ADAM7: variants seen among roughly 807,000 people sequenced by gnomAD.
ADAM7 encodes the protein disintegrin and metalloproteinase domain-containing protein 7.
Under a neutral mutation model 102.9 loss-of-function variants are expected in ADAM7, and 97 were observed. The observed-to-expected ratio is 0.94, with a 90% confidence interval of 0.80 to 1.12. The LOEUF (loss-of-function observed/expected upper bound fraction) is 1.12, where lower values mean the gene tolerates loss of function less well. Among genes scored for constraint, ADAM7 ranks in the 50% most tolerant of loss-of-function variants. The pLI is 0.00. For synonymous variants in ADAM7, 334 were observed against 304.4 expected, an observed-to-expected ratio of 1.10 and a Z score of -1.01; for missense variants, 991 against 908.7, an observed-to-expected ratio of 1.09 and a Z score of -1.16.
chr8:24,463,075 T>A (rs1470908994), intron 3 of ADAM7, among the ~76,000 whole-genome samples: 1 of 152,178 alleles, frequency 6.6e-6, no homozygotes, highest in African/African-American at 2.4e-5. Context: ...TGTCTTCACC[T>A]GTACAGAAAA....
intron 14 of ADAM7, 48 bp from the exon 15 acceptor site, chr8:24,492,447 T>A (rs775914558): frequency 7.6e-7 from 1 of 1,322,250 alleles, no homozygotes; most frequent in Non-Finnish European, 1.1e-6. Context: ...TTATGATTCA[T>A]GATAGTCATG....
At position 24,482,199 on chromosome 8, in the gene ADAM7, G is replaced by A. The variant is rs771434508; in HGVS notation, c.763G>A (p.Glu255Lys). Residue 255 changes from glutamate (E) to lysine (K), a missense_variant, in exon 9 of 22, where the codon GAA becomes AAA. Physicochemically the swap from Glu to Lys is moderately conservative, Grantham distance 56. Coordinates refer to ENST00000175238, the MANE Select transcript of ADAM7 (RefSeq NM_003817.4). ...GGTTGGCATTGAAATATGGACACAT[G>A]AAGATAAAATAGAACTATATTCAAA... ...TLVGIEIWTHEDKIELYSNIE... is the reference protein window; with the variant it reads ...TLVGIEIWTHKDKIELYSNIE... 9.3e-6 allele frequency: 15 copies of A among 1,607,070 alleles called. No individual in the cohort carries two copies. In the South Asian group the frequency reaches 1.5e-4, roughly 16 times the overall value.
intron 7 of ADAM7, among the ~76,000 whole-genome samples, chr8:24,472,609 A>G (rs1819644318): frequency 6.6e-6 from 1 of 152,094 alleles, no homozygotes; most frequent in African/African-American, 2.4e-5. Context: ...GCATACCAGT[A>G]TTTAGAAAGA....
Position 24,487,117 on chromosome 8 carries a change from T to C in ADAM7, c.961-70T>C, listed in dbSNP as rs1251224168. 5.4e-6 allele frequency: 8 copies of C among 1,479,010 alleles called. No individual in the cohort carries two copies. In the East Asian group the frequency reaches 1.7e-4, roughly 32 times the overall value. 91.6% of individuals were successfully genotyped at this position (1,479,010 alleles called of 1,614,324 possible). On this transcript the variant is annotated intron_variant, in intron 10 of 21. Coordinates refer to ENST00000175238, the MANE Select transcript of ADAM7 (RefSeq NM_003817.4). ...GCTAGAAGCCAGGTCTTTCAACCAC[T>C]AGTTTGAAGCACTATGTACTACAGT...
chr8:24,487,536 T>C (rs1820183481), intron 11 of ADAM7, among the ~76,000 whole-genome samples: 1 of 151,734 alleles, frequency 6.6e-6, no homozygotes, highest in Admixed American at 6.6e-5. Flanking sequence ...TCCCAGCTAC[T>C]TGGGAGGAGA....
rs1818582828 is a variant in ADAM7, at chr8:24,446,960, T to C, written c.157-226T>C. On this transcript the variant is annotated intron_variant, in intron 2 of 21. Transcript: ENST00000175238. ...TAACTATATTTATATTTTATTCTAA[T>C]ATAACTAGAAGAAATCTAGTTCTAA... Among the ~76,000 whole-genome samples, 3 of 150,776 alleles carry C rather than the reference T, an allele frequency of 2.0e-5. No individual in the cohort carries two copies. In the South Asian group the frequency reaches 6.2e-4, roughly 31 times the overall value.
At chr8:24,453,076 C>A (rs1488410611) in intron 3 of ADAM7, among the ~76,000 whole-genome samples, 1 of 151,394 alleles carries the variant, frequency 6.6e-6, no homozygotes, top group African/African-American at 2.4e-5. Flanking sequence ...CTCTGGCTGC[C>A]CTTAACATTT....
At chr8:24,456,936 A>C (rs2129378077) in intron 3 of ADAM7, among the ~76,000 whole-genome samples, 1 of 152,206 alleles carries the variant, frequency 6.6e-6, no homozygotes, top group East Asian at 1.9e-4. Flanking sequence ...CTTTTTATAA[A>C]CATATGTTTT....
intron 3 of ADAM7, among the ~76,000 whole-genome samples, chr8:24,449,456 G>C (rs997622177): frequency 6.8e-4 from 104 of 152,244 alleles, no homozygotes; most frequent in African/African-American, 2.2e-3. Context: ...ATCTTCTTTT[G>C]AGAAGTGTCT....
chr8:24,468,514 T>C (rs145807226), intron 6 of ADAM7, among the ~76,000 whole-genome samples: 1 of 150,706 alleles, frequency 6.6e-6, no homozygotes, highest in Non-Finnish European at 1.5e-5. Context: ...AAAATAAAAT[T>C]AAATTTAAAA....
At chr8:24,497,093 G>A (rs1323963898) in intron 16 of ADAM7, among the ~76,000 whole-genome samples, 3 of 152,142 alleles carry the variant, frequency 2.0e-5, no homozygotes. Flanking sequence ...TACTGAGTAA[G>A]TCTCATGAGA....
At chr8:24,449,870 C>G (rs1383953369) in intron 3 of ADAM7, among the ~76,000 whole-genome samples, 2 of 152,208 alleles carry the variant, frequency 1.3e-5, no homozygotes, top group African/African-American at 4.8e-5. Flanking sequence ...CTACATATGG[C>G]TAGCCAGTTT....
At chr8:24,464,511 C>T (rs1759625668) in intron 4 of ADAM7, among the ~76,000 whole-genome samples, 1 of 152,156 alleles carries the variant, frequency 6.6e-6, no homozygotes, top group Non-Finnish European at 1.5e-5. Flanking sequence ...TTTTCCAGAA[C>T]ATGTCCTCTG....
chr8:24,500,858 C>T lies in ADAM7; in HGVS notation c.2071C>T (p.Arg691Cys), dbSNP rs777631956. 1.2e-5 allele frequency: 20 copies of T among 1,612,858 alleles called. No individual in the cohort carries two copies. Among genetic ancestry groups the T allele is most frequent in the African/African-American group, 6.7e-5 (5 of 74,886 alleles). Residue 691 changes from arginine to cysteine, a missense_variant, in exon 19 of 22, where the codon CGT (arginine) becomes TGT (cysteine). Arg to Cys is a radical substitution (Grantham distance 180, BLOSUM62 -3). Transcript: ENST00000175238. The stretch of plus-strand genomic sequence containing the variant: ...TATCGGAGTTCTTATACTATTAGTT[C>T]GTTACCGAAAATGTATCAAGTTGAA... ...VGIGVLILLVRYRKCIKLKQV... is the reference protein window; with the variant it reads ...VGIGVLILLVCYRKCIKLKQV...
chr8:24,446,470 T>A (rs944595245), intron 2 of ADAM7, among the ~76,000 whole-genome samples: 2 of 152,152 alleles, frequency 1.3e-5, no homozygotes, highest in African/African-American at 4.8e-5. Flanking sequence ...AGTTTGGCAA[T>A]AGTTATAAAA....
At position 24,466,897 on chromosome 8, in the gene ADAM7, C is replaced by T. The variant is rs763965256; in HGVS notation, c.488C>T (p.Pro163Leu). The change falls in exon 6 of 22, where the codon CCG becomes CTG. Residue 163 changes from proline (P) to leucine (L), a missense_variant. Coordinates refer to ENST00000175238, the MANE Select transcript of ADAM7 (RefSeq NM_003817.4). ...HLVFKYNLRVPYGANYSCTEL... is the reference protein window; with the variant it reads ...HLVFKYNLRVLYGANYSCTEL... The stretch of plus-strand genomic sequence containing the variant: ...GTGTTCAAATATAACCTGAGGGTGC[C>T]GTATGGTGCCAATTATTCCTGTACA... The T allele has an allele frequency of 2.7e-5, 44 of 1,613,714 alleles. No individual in the cohort carries two copies. The Admixed American group carries it at 6.8e-4, about 25-fold the overall frequency.
At chr8:24,442,407 G>A in intron 1 of ADAM7, 66 bp from the exon 2 acceptor site, 1 of 1,107,194 alleles carries the variant, frequency 9.0e-7, no homozygotes, top group South Asian at 1.2e-5. Flanking sequence ...GAACAATTCT[G>A]TTTTTCAGCC....
At chr8:24,467,364 T>A in intron 6 of ADAM7, 1 of 265,976 alleles carries the variant, frequency 3.8e-6, no homozygotes. Context: ...TCTCCCCTTT[T>A]TATCATTCAA....
At chr8:24,501,352 T>G in intron 19 of ADAM7, 125 bp from the exon 20 acceptor site, 1 of 658,228 alleles carries the variant, frequency 1.5e-6, no homozygotes, top group Non-Finnish European at 2.6e-6. Context: ...TTTCAATATA[T>G]TTAACATTGT....
Sources: allele counts gnomAD v4.1 joint callset (sites outside exome capture counted in the v4.1 genomes callset), GRCh38; gene constraint gnomAD v4.1.1; transcripts MANE v1.5; gene names NCBI Gene and HGNC (gene_info 2026-07-23, HGNC 2026-07-21).